Variants in FLNB observed in about 807,000 individuals in gnomAD.
FLNB encodes filamin-B.
FLNB carries 111 observed loss-of-function variants against 250.6 expected under a neutral mutation model. The ratio of observed to expected loss-of-function variants is 0.44; its 90% confidence interval spans 0.38 to 0.52. The LOEUF is 0.52. FLNB is among the 20% of genes least tolerant of loss of function. The probability of loss-of-function intolerance (pLI) is 0.00; values close to 1 mark genes in which losing one functional copy is unlikely to be tolerated. For synonymous variants in FLNB, 1,302 were observed against 1,372.1 expected (o/e 0.95, Z 1.13); for missense variants, 2,869 against 3,447.8 (o/e 0.83, Z 4.20).
intron 1 of FLNB, among the ~76,000 whole-genome samples, chr3:58,075,078 C>T (rs1286560281): frequency 2.0e-5 from 3 of 152,022 alleles, no homozygotes; most frequent in African/African-American, 7.3e-5. Flanking sequence ...AAATAAGGCT[C>T]TCACCCTTTC....
At chr3:58,100,981 C>A (rs949982564) in intron 8 of FLNB, among the ~76,000 whole-genome samples, 1 of 151,894 alleles carries the variant, frequency 6.6e-6, no homozygotes, top group African/African-American at 2.4e-5. Context: ...GCAATCTCCC[C>A]GCCTCAGCCT....
At position 58,035,312 on chromosome 3, in the gene FLNB, A is replaced by G. The variant is rs2097136547; in HGVS notation, c.292+26456A>G. The stretch of plus-strand genomic sequence containing the variant: ...GCTTGAGGTTTCTTTTAAGCTGTCT[A>G]TGTAATTAAAAGCTGTTACTTAGAC... On this transcript the variant is annotated intron_variant, in intron 1 of 45. Coordinates refer to ENST00000295956, the MANE Select transcript of FLNB (RefSeq NM_001457.4). 2.0e-5 allele frequency among the ~76,000 whole-genome samples: 3 copies of G among 152,362 alleles called. No homozygotes were observed. The East Asian group carries it at 5.8e-4, about 29-fold the overall frequency.
chr3:58,063,302 T>C (rs1381808287), intron 1 of FLNB, among the ~76,000 whole-genome samples: 2 of 152,118 alleles, frequency 1.3e-5, no homozygotes, highest in African/African-American at 4.8e-5. Flanking sequence ...GCCTTTTACT[T>C]TGGATGTTGG....
intron 1 of FLNB, among the ~76,000 whole-genome samples, chr3:58,063,645 G>A (rs532994016): frequency 1.8e-4 from 28 of 152,246 alleles, no homozygotes; most frequent in African/African-American, 6.7e-4. Flanking sequence ...TCCTCAGCTT[G>A]GTTCCTACTC....
intron 6 of FLNB, 64 bp downstream of exon 6, chr3:58,096,282 A>G (rs1576709685): frequency 2.7e-6 from 3 of 1,112,186 alleles, no homozygotes; most frequent in Non-Finnish European, 1.4e-6. Context: ...AAGATAGCCC[A>G]GGAAGAAGAG....
At chr3:58,131,847 G>A in intron 25 of FLNB, 1 of 988,916 alleles carries the variant, frequency 1.0e-6, no homozygotes, top group African/African-American at 1.6e-5. Context: ...GAGAGAGGGA[G>A]AAAAAGAAGA....
At chr3:58,073,457 C>T (rs1170858392) in intron 1 of FLNB, among the ~76,000 whole-genome samples, 1 of 152,130 alleles carries the variant, frequency 6.6e-6, no homozygotes, top group Non-Finnish European at 1.5e-5. Flanking sequence ...GACCATTGCT[C>T]CTTGATTGAC....
Position 58,146,816 on chromosome 3 carries a change from G to A in FLNB, c.5555-4G>A, listed in dbSNP as rs764590135. ...CACCCCTGCATCCCTGTTCCCACTTGTAGGTGGTCTGGACTTGGCTATTGA... is the reference window on the plus strand; with the variant it reads ...CACCCCTGCATCCCTGTTCCCACTTATAGGTGGTCTGGACTTGGCTATTGA... On this transcript the variant is annotated splice_region_variant and splice_polypyrimidine_tract_variant and intron_variant, in intron 33 of 45. Coordinates refer to ENST00000295956, the MANE Select transcript of FLNB (RefSeq NM_001457.4). 6.2e-7 allele frequency: 1 copy of A among 1,614,190 alleles called. No individual in the cohort carries two copies. Among genetic ancestry groups the A allele is most frequent in the South Asian group, 1.1e-5 (1 of 91,080 alleles).
intron 30 of FLNB, 45 bp downstream of exon 30, chr3:58,141,974 G>C (rs780315436): frequency 6.5e-7 from 1 of 1,544,962 alleles, no homozygotes; most frequent in Non-Finnish European, 9.0e-7. Context: ...TGTTTACTCA[G>C]CCTTCATTTC....
chr3:58,096,145 A>G lies in FLNB; in HGVS notation c.911A>G (p.Gln304Arg), dbSNP rs147591946. ...GTTGCCCACCTTCCCTCCTAGGCAC[A>G]AGTGACCCCTGACAGTGACAAGAAC... The part of the protein sequence containing the change: ...EDPEGNKEEA[Q>R]VTPDSDKNKT... The change falls in exon 6 of 46, where the codon CAA (glutamine) becomes CGA (arginine). Residue 304 changes from glutamine (Q) to arginine (R), a missense_variant. Gln to Arg is a conservative substitution (Grantham distance 43). Around this residue, in one of 5 missense-constraint regions of FLNB, gnomAD observed 308 missense variants for 466.1 expected, o/e 0.66. Coordinates refer to ENST00000295956, the MANE Select transcript of FLNB (RefSeq NM_001457.4). 54 of 1,613,462 alleles carry G rather than the reference A, an allele frequency of 3.3e-5. No individual in the cohort carries two copies. Among genetic ancestry groups the G allele is most frequent in the Admixed American group, 3.3e-5 (2 of 59,972 alleles).
At position 58,168,241 on chromosome 3, in the gene FLNB, G is replaced by A. The variant is rs72884452; in HGVS notation, c.7199-199G>A. On this transcript the variant is annotated intron_variant, in intron 43 of 45. Transcript: ENST00000295956. ...ATGTCAGCCATGCTCCTCCTGCCTT[G>A]GCCTAGAAAAGGGAGCCCCCACCCC... Among the ~76,000 whole-genome samples, 3,570 of 152,258 alleles carry A rather than the reference G, an allele frequency of 0.023. 138 individuals carry two copies. Among genetic ancestry groups the A allele is most frequent in the African/African-American group, 0.082 (3,390 of 41,536 alleles).
chr3:58,009,995 G>A (rs777946720), intron 1 of FLNB, among the ~76,000 whole-genome samples: 8 of 152,190 alleles, frequency 5.3e-5, no homozygotes, highest in African/African-American at 9.7e-5. Context: ...TGCAGAGAAC[G>A]TGTGTACACA....
At chr3:58,055,885 G>C (rs962286011) in intron 1 of FLNB, among the ~76,000 whole-genome samples, 4 of 151,960 alleles carry the variant, frequency 2.6e-5, no homozygotes, top group Non-Finnish European at 5.9e-5. Context: ...GTAATAACAA[G>C]ATCTAACAGT....
chr3:58,146,023 C>T lies in FLNB; in HGVS notation c.5528C>T (p.Thr1843Ile), dbSNP rs2107262414. The T allele has an allele frequency of 1.9e-6, 3 of 1,614,242 alleles. No homozygotes were observed. In the South Asian group the frequency reaches 3.3e-5, roughly 18 times the overall value. Residue 1843 changes from threonine to isoleucine, a missense_variant, in exon 33 of 46, where the codon ACC (threonine) becomes ATC (isoleucine). By Grantham distance (89) the Thr-to-Ile change is moderately conservative (BLOSUM62 -1). Coordinates refer to ENST00000295956, the MANE Select transcript of FLNB (RefSeq NM_001457.4). ...YGVANKTATFTIVTEDAGEGG... is the reference protein window; with the variant it reads ...YGVANKTATFIIVTEDAGEGG... ...GTGGCCAACAAAACTGCCACCTTCA[C>T]CATCGTCACAGAGGATGCAGGAGAA...
chr3:58,050,139 C>T (rs2097160160), intron 1 of FLNB, among the ~76,000 whole-genome samples: 1 of 151,436 alleles, frequency 6.6e-6, no homozygotes, highest in Non-Finnish European at 1.5e-5. Context: ...TAACAATTCT[C>T]CTGCCTCAGC....
intron 42 of FLNB, among the ~76,000 whole-genome samples, chr3:58,161,422 T>C (rs1330583770): frequency 6.6e-6 from 1 of 152,200 alleles, no homozygotes; most frequent in Non-Finnish European, 1.5e-5. Context: ...ACTAGATCAC[T>C]GTGAGGTTTG....
rs55916881 is a variant in FLNB at position 58,133,437 on chromosome 3, G to GAA, written c.4514+533_4514+534dup. Among the ~76,000 whole-genome samples the GAA allele has an allele frequency of 4.4e-4, 30 of 67,612 alleles. 1 individual carries two copies. Among genetic ancestry groups the GAA allele is most frequent in the African/African-American group, 5.1e-4 (12 of 23,334 alleles). The allele number at this position is 67,612 out of a possible 152,430, so 44.4% of individuals were successfully genotyped here. A position where few individuals can be genotyped will look rare whatever the true frequency, so the allele number is the denominator to read the frequency against. On this transcript the variant is annotated intron_variant, in intron 26 of 45. Coordinates refer to ENST00000295956, the MANE Select transcript of FLNB (RefSeq NM_001457.4). ...CATAGACCCTCCCCTGACATCTCTG[G>GAA]AAAAAAAAAAAAAAAAAAAAAAAAA...
rs1289485288 is a variant in FLNB, at chr3:58,121,602, G to A, written c.3126+99G>A. On this transcript the variant is annotated intron_variant, in intron 20 of 45. Transcript: ENST00000295956. ...TCCTGGCAAAGACCTTCTGAAAATC[G>A]TTTTGTGATGAAAGTTAGCACAATT... The A allele has an allele frequency of 6.0e-6, 9 of 1,504,398 alleles. No individual in the cohort carries two copies. The East Asian group carries it at 1.1e-4, about 19-fold the overall frequency. 93.2% of individuals were successfully genotyped at this position (1,504,398 alleles called of 1,614,324 possible).
At chr3:58,153,353 C>G (rs371017564) in intron 38 of FLNB, 22 bp from the exon 39 acceptor site, 93 of 1,614,124 alleles carry the variant, frequency 5.8e-5, no homozygotes, top group East Asian at 3.6e-4. Context: ...CTTCTCTCCC[C>G]CAACCTCCCT....
Sources: gnomAD v4.1 joint callset for allele counts (sites outside exome capture counted in the v4.1 genomes callset) on GRCh38, gnomAD v4.1.1 for gene constraint, gnomAD v4.1.1 regional missense constraint, MANE v1.5 for transcripts, NCBI Gene and HGNC (gene_info 2026-07-23, HGNC 2026-07-21) for gene names.